Variants in PTPRD observed in about 807,000 individuals in gnomAD.
PTPRD encodes the protein protein tyrosine phosphatase receptor type D, also known as receptor-type tyrosine-protein phosphatase delta.
A neutral mutation model predicts 214.5 loss-of-function variants in PTPRD; 34 were observed. The observed-to-expected ratio is 0.16, with a 90% CI of 0.12 to 0.21. The LOEUF (loss-of-function observed/expected upper bound fraction) is 0.21, where lower values mean the gene tolerates loss of function less well. PTPRD is among the 10% of genes least tolerant of loss of function. The probability of loss-of-function intolerance (pLI) is 1.00; values close to 1 mark genes in which losing one functional copy is unlikely to be tolerated. For missense variants in PTPRD, 2,545 were observed against 2,398.7 expected (o/e 1.06, Z -1.27); for synonymous variants, 1,128 against 845.7 (o/e 1.33, Z -5.79).
chr9:9,994,449 G>A (rs764774866), intron 4 of PTPRD, among the ~76,000 whole-genome samples: 4 of 152,054 alleles, frequency 2.6e-5, no homozygotes, highest in East Asian at 1.9e-4. Context: ...CAGAACTGAC[G>A]TCTTATCTGT....
chr9:9,922,242 A>G (rs2082756833), intron 5 of PTPRD, among the ~76,000 whole-genome samples: 1 of 152,144 alleles, frequency 6.6e-6, no homozygotes, highest in Non-Finnish European at 1.5e-5. Flanking sequence ...CTCTTCCTCT[A>G]CAGTGGGCAA....
At chr9:9,743,745 C>CAG (rs888648096) in intron 6 of PTPRD, among the ~76,000 whole-genome samples, 1 of 148,936 alleles carries the variant, frequency 6.7e-6, no homozygotes, top group African/African-American at 2.6e-5. Context: ...CACACACACA[C>CAG]ACACACACAC....
chr9:9,260,922 G>A (rs919469808), intron 9 of PTPRD, among the ~76,000 whole-genome samples: 2 of 151,772 alleles, frequency 1.3e-5, no homozygotes, highest in Admixed American at 1.3e-4. Flanking sequence ...CTCAGAAACA[G>A]CCCAAAGATG....
intron 8 of PTPRD, among the ~76,000 whole-genome samples, chr9:9,501,548 A>G (rs893590102): frequency 9.2e-5 from 14 of 151,936 alleles, no homozygotes; most frequent in African/African-American, 3.4e-4. Context: ...TCAAAATAAC[A>G]CAATCAACAA....
chr9:9,278,135 A>G (rs938194757), intron 9 of PTPRD, among the ~76,000 whole-genome samples: 2 of 151,430 alleles, frequency 1.3e-5, no homozygotes, highest in Admixed American at 1.3e-4. Context: ...CAAATAAAAA[A>G]TAATAAACAA....
intron 2 of PTPRD, among the ~76,000 whole-genome samples, chr9:10,475,655 A>G (rs1291622199): frequency 1.3e-5 from 2 of 152,128 alleles, no homozygotes; most frequent in Admixed American, 6.5e-5. Context: ...CTGATTCCAA[A>G]ACCTGGCAGA....
intron 39 of PTPRD, among the ~76,000 whole-genome samples, chr9:8,346,517 T>G (rs1389461969): frequency 1.3e-5 from 2 of 152,074 alleles, no homozygotes; most frequent in African/African-American, 4.8e-5. Flanking sequence ...CTGAAAAGTG[T>G]GGTGAAATCT....
chr9:9,514,016 C>T (rs1004690640), intron 8 of PTPRD, among the ~76,000 whole-genome samples: 5 of 151,992 alleles, frequency 3.3e-5, no homozygotes, highest in Admixed American at 3.3e-4. Context: ...AATTGCTTTC[C>T]TGGAGAGCCT....
chr9:9,805,998 G>A (rs1472723891), intron 5 of PTPRD, among the ~76,000 whole-genome samples: 1 of 152,168 alleles, frequency 6.6e-6, no homozygotes, highest in African/African-American at 2.4e-5. Flanking sequence ...AGGGAATGGT[G>A]ATCCTAACCC....
chr9:9,889,957 A>G (rs2072651615), intron 5 of PTPRD, among the ~76,000 whole-genome samples: 1 of 151,988 alleles, frequency 6.6e-6, no homozygotes, highest in African/African-American at 2.4e-5. Context: ...ATTATCAGCA[A>G]TCTGGCTAGC....
chr9:9,783,346 G>A (rs1051755365), intron 5 of PTPRD, among the ~76,000 whole-genome samples: 2 of 152,050 alleles, frequency 1.3e-5, no homozygotes, highest in African/African-American at 4.8e-5. Flanking sequence ...GCTAATAATT[G>A]GACTAGGAGA....
intron 11 of PTPRD, among the ~76,000 whole-genome samples, chr9:8,830,794 T>A (rs1445719938): frequency 1.3e-5 from 2 of 152,154 alleles, no homozygotes; most frequent in Admixed American, 6.5e-5. Flanking sequence ...GGAAAGGGCA[T>A]ACGTGATGGT....
intron 30 of PTPRD, among the ~76,000 whole-genome samples, chr9:8,481,188 A>G (rs570035671): frequency 7.4e-4 from 111 of 150,618 alleles, no homozygotes; most frequent in African/African-American, 2.6e-3. Flanking sequence ...AAATGTGAAG[A>G]CTTTATTTTA....
intron 5 of PTPRD, among the ~76,000 whole-genome samples, chr9:9,920,182 G>A (rs189799267): frequency 3.3e-5 from 5 of 152,192 alleles, no homozygotes; most frequent in Non-Finnish European, 2.9e-5. Context: ...TCTTTGATGA[G>A]ACACTGTGCA....
At chr9:9,049,916 C>G (rs1219862746) in intron 10 of PTPRD, among the ~76,000 whole-genome samples, 1 of 152,138 alleles carries the variant, frequency 6.6e-6, no homozygotes, top group Non-Finnish European at 1.5e-5. Flanking sequence ...TTTGTAAAGC[C>G]ACAGTGACAT....
At chr9:10,265,951 C>G (rs2094024826) in intron 3 of PTPRD, among the ~76,000 whole-genome samples, 1 of 152,158 alleles carries the variant, frequency 6.6e-6, no homozygotes, top group Non-Finnish European at 1.5e-5. Flanking sequence ...ATAAGAAATG[C>G]TTGCATTTCT....
intron 3 of PTPRD, among the ~76,000 whole-genome samples, chr9:10,101,492 G>A (rs766910231): frequency 6.6e-6 from 1 of 151,556 alleles, no homozygotes; most frequent in Non-Finnish European, 1.5e-5. Context: ...ACTTAGCAAT[G>A]ACAAGAGTGC....
intron 11 of PTPRD, among the ~76,000 whole-genome samples, chr9:8,954,306 A>C (rs1202849681): frequency 6.6e-6 from 1 of 151,934 alleles, no homozygotes; most frequent in Non-Finnish European, 1.5e-5. Flanking sequence ...GTACACATGA[A>C]CATAAAAAAA....
chr9:9,735,420 T>C (rs2098275565), intron 6 of PTPRD, among the ~76,000 whole-genome samples: 1 of 152,094 alleles, frequency 6.6e-6, no homozygotes, highest in Admixed American at 6.6e-5. Context: ...GAAAAACACA[T>C]GTCTTTCTTT....
Sources: allele counts gnomAD v4.1 joint callset (sites outside exome capture counted in the v4.1 genomes callset), GRCh38; gene constraint gnomAD v4.1.1; transcripts MANE v1.5; gene names NCBI Gene and HGNC (gene_info 2026-07-23, HGNC 2026-07-21).